RIN3: variants seen among roughly 807,000 people sequenced by gnomAD.
The protein encoded by RIN3 is RAB5 interacting protein 3.
In RIN3, 54 loss-of-function variants were observed where a neutral mutation model predicts 76.3. That is an observed-to-expected ratio of 0.71 (90% confidence interval 0.57 to 0.89). The LOEUF (loss-of-function observed/expected upper bound fraction) is 0.89. Among genes scored for constraint, RIN3 ranks in the 40% least tolerant of loss-of-function variants. The pLI is 0.00. For synonymous variants in RIN3, 576 were observed against 564.0 expected (o/e 1.02, Z -0.30); for missense variants, 1,256 against 1,322.1 (o/e 0.95, Z 0.78).
At chr14:92,619,004 T>G (rs940056789) in intron 4 of RIN3, among the ~76,000 whole-genome samples, 1 of 152,056 alleles carries the variant, frequency 6.6e-6, no homozygotes, top group Non-Finnish European at 1.5e-5. Flanking sequence ...TTGTTTTTTG[T>G]GTGTGGTTTA....
In RIN3 at chr14:92,639,541, G is replaced by A. The variant is rs551401499; in HGVS notation, c.441-1697G>A. Among the ~76,000 whole-genome samples the A allele has an allele frequency of 2.0e-4, 31 of 152,304 alleles. No homozygotes were observed. In the South Asian group the frequency reaches 6.2e-3, roughly 31 times the overall value. ...GGGGGTCCCCAGGCCTTAAACACTA[G>A]GAAGAAACACAGAATCGGGACCACC... On this transcript the variant is annotated intron_variant, in intron 4 of 9. Coordinates refer to ENST00000216487, the MANE Select transcript of RIN3 (RefSeq NM_024832.5).
rs1337875605 is a variant in RIN3 at position 92,681,157 on chromosome 14, G to T, written c.2468-3830G>T. ...TGACAGCTGGCCATGCCGGGCTGGT[G>T]TCTTTCCAGGGGCAGTGGGTTTTTC... On this transcript the variant is annotated intron_variant, in intron 8 of 9. Coordinates refer to ENST00000216487, the MANE Select transcript of RIN3 (RefSeq NM_024832.5). The surrounding 1 kb of genome is among the most constrained non-coding windows in gnomAD (Gnocchi z 4.7). Among the ~76,000 whole-genome samples the T allele has an allele frequency of 6.6e-6, 1 of 152,338 alleles. No individual in the cohort carries two copies. The highest frequency in any genetic ancestry group is 1.9e-4 in the East Asian group (1 of 5,180).
chr14:92,565,469 A>T (rs1897891718), intron 2 of RIN3, among the ~76,000 whole-genome samples: 2 of 152,236 alleles, frequency 1.3e-5, no homozygotes, highest in Admixed American at 1.3e-4. Context: ...TAGCTACTCC[A>T]TGGGCAGAGC....
rs758665953 is a variant in RIN3 at position 92,651,796 on chromosome 14, C to T, written c.747C>T (p.Thr249=). The change falls in exon 6 of 10, where the codon ACC becomes ACT. Residue 249 remains threonine (T), a synonymous_variant. Transcript: ENST00000216487. ...FIEDCSSALP[T]DQPPLGNCPA... ...AGGACTGCAGCAGCGCCCTGCCCAC[C>T]GACCAGCCACCTCTTGGAAATTGCC... The T allele has an allele frequency of 4.7e-5, 76 of 1,613,742 alleles. 1 individual carries two copies. Among genetic ancestry groups the T allele is most frequent in the African/African-American group, 1.2e-4 (9 of 75,024 alleles).
rs539077099 is a variant in RIN3, at chr14:92,659,753, G to C, written c.2335+284G>C. ...ATGAGGAAAAGCACTGTGTTAGTTT[G>C]CTAGGGCTGCTGAAACGATACCACA... On this transcript the variant is annotated intron_variant, in intron 7 of 9. Coordinates refer to ENST00000216487, the MANE Select transcript of RIN3 (RefSeq NM_024832.5). Among the ~76,000 whole-genome samples the C allele has an allele frequency of 6.6e-5, 10 of 152,346 alleles. No homozygotes were observed. The South Asian group carries it at 1.5e-3, about 22-fold the overall frequency.
At chr14:92,518,334 C>T (rs71430765) in intron 1 of RIN3, among the ~76,000 whole-genome samples, 6 of 152,138 alleles carry the variant, frequency 3.9e-5, no homozygotes, top group African/African-American at 9.7e-5. Flanking sequence ...GCCAATGATA[C>T]GCTGATTGAA....
intron 3 of RIN3, among the ~76,000 whole-genome samples, chr14:92,615,180 C>G (rs8021427): frequency 0.037 from 5,580 of 152,170 alleles, 342 homozygotes; most frequent in African/African-American, 0.13. Flanking sequence ...TGGACTAATA[C>G]AAACAGGTAA....
Position 92,681,221 on chromosome 14 carries a change from A to C in RIN3, c.2468-3766A>C, listed in dbSNP as rs1275775913. Among the ~76,000 whole-genome samples, 1 of 152,202 alleles carries C rather than the reference A, an allele frequency of 6.6e-6. No individual in the cohort carries two copies. Among genetic ancestry groups the C allele is most frequent in the Non-Finnish European group, 1.5e-5 (1 of 68,040 alleles). The stretch of plus-strand genomic sequence containing the variant: ...CGCCCCAGAGAGAAAAGCCTGCTCC[A>C]GAACTCACGGTAGGGCCGCCTGCCA... On this transcript the variant is annotated intron_variant, in intron 8 of 9. Coordinates refer to ENST00000216487, the MANE Select transcript of RIN3 (RefSeq NM_024832.5). The surrounding 1 kb of genome is among the most constrained non-coding windows in gnomAD (Gnocchi z 4.7).
At chr14:92,615,667 A>C in intron 4 of RIN3, 188 bp downstream of exon 4, 1 of 594,790 alleles carries the variant, frequency 1.7e-6, no homozygotes, top group Non-Finnish European at 3.0e-6. Flanking sequence ...TTCTCACACT[A>C]TCTGATAAGA....
chr14:92,615,462 G>A lies in RIN3; in HGVS notation c.423G>A (p.Ala141=), dbSNP rs143846272. ...TTGAGGACATCTTCAGATTGATTGC[G>A]TTCTACTGTGTCAGTAGGTGAGTAG... ...LVFEDIFRLI[A]FYCVSRDLLP... Residue 141 remains alanine (A), a synonymous_variant, in exon 4 of 10, where the codon GCG becomes GCA. Coordinates refer to ENST00000216487, the MANE Select transcript of RIN3 (RefSeq NM_024832.5). The A allele has an allele frequency of 1.2e-4, 190 of 1,614,052 alleles. 1 individual carries two copies. In the South Asian group the frequency reaches 1.6e-3, roughly 13 times the overall value.
intron 1 of RIN3, among the ~76,000 whole-genome samples, chr14:92,541,311 G>GAT (rs3033754): frequency 0.78 from 119,335 of 152,044 alleles, 47,240 homozygotes; most frequent in African/African-American, 0.87. Context: ...CAGAAAAACT[G>GAT]GTTAGGTCAT....
chr14:92,650,657 C>T (rs551448282), intron 5 of RIN3, among the ~76,000 whole-genome samples: 26 of 152,292 alleles, frequency 1.7e-4, no homozygotes, highest in African/African-American at 5.3e-4. Context: ...CTTGAGTGAA[C>T]GCAGGGTGGC....
At chr14:92,536,496 C>A (rs1897002082) in intron 1 of RIN3, among the ~76,000 whole-genome samples, 1 of 152,100 alleles carries the variant, frequency 6.6e-6, no homozygotes, top group Admixed American at 6.6e-5. Context: ...GTAATCCCAG[C>A]ACTTTGGGAG....
chr14:92,621,772 G>C (rs1331437330), intron 4 of RIN3, among the ~76,000 whole-genome samples: 1 of 152,150 alleles, frequency 6.6e-6, no homozygotes, highest in African/African-American at 2.4e-5. Flanking sequence ...TGCCAGTTTT[G>C]GTAGACAACA....
intron 7 of RIN3, among the ~76,000 whole-genome samples, chr14:92,673,133 G>GA (rs912494229): frequency 2.8e-4 from 41 of 146,816 alleles, no homozygotes; most frequent in Middle Eastern, 3.5e-3. Flanking sequence ...ATACAAAAAG[G>GA]AAAAAAAAAA....
chr14:92,634,592 G>A lies in RIN3; in HGVS notation c.441-6646G>A, dbSNP rs112551188. On this transcript the variant is annotated intron_variant, in intron 4 of 9. Coordinates refer to ENST00000216487, the MANE Select transcript of RIN3 (RefSeq NM_024832.5). ...TAAAAATGTGGATTCTCAGCTGGGC[G>A]TGGTGGCTCACGCCTGTAATCCCAG... is the stretch of plus-strand genomic sequence containing the variant. Among the ~76,000 whole-genome samples, 923 of 152,150 alleles carry A rather than the reference G, an allele frequency of 6.1e-3. 9 individuals carry two copies. Among genetic ancestry groups the A allele is most frequent in the African/African-American group, 0.021 (886 of 41,484 alleles).
rs1001197605 is a variant in RIN3 at position 92,685,867 on chromosome 14, AC to A, written c.2631+719del. Reference sequence around the variant, plus strand: ...GAAGCCTTCCCTGATACACACACACACCGTTTCACACAGGCTGGGTGGGGTG... The same window carrying A: ...GAAGCCTTCCCTGATACACACACACACGTTTCACACAGGCTGGGTGGGGTG... On this transcript the variant is annotated intron_variant, in intron 9 of 9. Transcript: ENST00000216487. The surrounding 1 kb of genome is among the most constrained non-coding windows in gnomAD (Gnocchi z 4.7). 1 of 151,944 alleles carries A rather than the reference AC, an allele frequency of 6.6e-6. No homozygotes were observed. The highest frequency in any genetic ancestry group is 2.4e-5 in the African/African-American group (1 of 41,206). 9.4% of individuals were successfully genotyped at this position (151,944 alleles called of 1,614,324 possible).
At chr14:92,630,926 A>T (rs915278068) in intron 4 of RIN3, among the ~76,000 whole-genome samples, 1 of 152,206 alleles carries the variant, frequency 6.6e-6, no homozygotes, top group African/African-American at 2.4e-5. Flanking sequence ...GATGTTAGCC[A>T]AGATGGAACA....
chr14:92,569,530 TAC>T (rs1012528090), intron 2 of RIN3, among the ~76,000 whole-genome samples: 1 of 151,278 alleles, frequency 6.6e-6, no homozygotes, highest in African/African-American at 2.4e-5. Context: ...CAGAAAGAAA[TAC>T]AGTTTGTGAG....
Sources: gnomAD v4.1 joint callset for allele counts (sites outside exome capture counted in the v4.1 genomes callset) on GRCh38, gnomAD v4.1.1 for gene constraint, Gnocchi (gnomAD v3.1) non-coding constraint, MANE v1.5 for transcripts, NCBI Gene and HGNC (gene_info 2026-07-23, HGNC 2026-07-21) for gene names.